SLC44A1: variants seen among roughly 807,000 people sequenced by gnomAD.
SLC44A1 encodes choline transporter-like protein 1.
SLC44A1 carries 26 observed loss-of-function variants against 79.3 expected under a neutral mutation model. That is an observed-to-expected ratio of 0.33 (90% CI 0.24 to 0.46). The LOEUF is 0.46. Ranked by LOEUF, SLC44A1 falls within the 20% of genes least tolerant of loss-of-function variation. The pLI, the probability that SLC44A1 is intolerant of heterozygous loss-of-function variation, is 1.00. For synonymous variants in SLC44A1, 263 were observed against 286.2 expected (o/e 0.92, Z 0.82); for missense variants, 688 against 798.1 (o/e 0.86, Z 1.66).
In SLC44A1 at chr9:105,362,744, A is replaced by G. The variant is rs906751974; in HGVS notation, c.901-77A>G. 1.0e-5 allele frequency: 11 copies of G among 1,090,052 alleles called. No individual in the cohort carries two copies. In the Admixed American group the frequency reaches 2.5e-4, roughly 24 times the overall value. 67.5% of individuals were successfully genotyped at this position (1,090,052 alleles called of 1,614,324 possible). A position where few individuals can be genotyped will look rare whatever the true frequency, so the allele number is the denominator to read the frequency against. Reference sequence around the variant, plus strand: ...CCTCCAGGTTTGGGGCTGAAGGGTTATGTTAAAAATTTCTACTATTTTCGG... The same window carrying G: ...CCTCCAGGTTTGGGGCTGAAGGGTTGTGTTAAAAATTTCTACTATTTTCGG... On this transcript the variant is annotated intron_variant, in intron 8 of 15. Coordinates refer to ENST00000374720, the MANE Select transcript of SLC44A1 (RefSeq NM_080546.5).
Position 105,390,080 on chromosome 9 carries a change from T to G in SLC44A1, c.*1024T>G. ...ACACACTGGCAGGTGCTCCTCTCCT[T>G]GGCAATTCATTGAGTATCCAGAGTT... On this transcript the variant is annotated 3_prime_UTR_variant, in exon 16 of 16. Coordinates refer to ENST00000374720, the MANE Select transcript of SLC44A1 (RefSeq NM_080546.5). The G allele has an allele frequency of 7.9e-7, 1 of 1,271,514 alleles. No individual in the cohort carries two copies. The highest frequency in any genetic ancestry group is 4.0e-5 in the Admixed American group (1 of 24,778). 78.8% of individuals were successfully genotyped at this position (1,271,514 alleles called of 1,614,324 possible).
intron 2 of SLC44A1, among the ~76,000 whole-genome samples, chr9:105,308,427 C>G (rs1831088626): frequency 6.6e-6 from 1 of 152,144 alleles, no homozygotes; most frequent in South Asian, 2.1e-4. Flanking sequence ...TAGTGAGTAG[C>G]AAATCAGGGC....
intron 15 of SLC44A1, among the ~76,000 whole-genome samples, chr9:105,407,401 CAT>C (rs1829042280): frequency 6.6e-6 from 1 of 152,110 alleles, no homozygotes; most frequent in South Asian, 2.1e-4. Flanking sequence ...GACAAAGAAA[CAT>C]AGAAAATATT....
chr9:105,276,499 C>A (rs1441159645), intron 1 of SLC44A1, among the ~76,000 whole-genome samples: 2 of 150,348 alleles, frequency 1.3e-5, no homozygotes, highest in African/African-American at 4.9e-5. Flanking sequence ...GTAAAATATA[C>A]AGTATAGCAG....
At chr9:105,388,053 G>A (rs1342725699) in intron 15 of SLC44A1, among the ~76,000 whole-genome samples, 1 of 152,156 alleles carries the variant, frequency 6.6e-6, no homozygotes, top group African/African-American at 2.4e-5. Context: ...ACCCTCTGCT[G>A]CATCCCAAAA....
intron 14 of SLC44A1, 91 bp downstream of exon 14, chr9:105,383,450 T>C: frequency 1.3e-6 from 1 of 747,640 alleles, no homozygotes; most frequent in Non-Finnish European, 2.3e-6. Flanking sequence ...ATTCACACTA[T>C]ATGCAACTGA....
intron 3 of SLC44A1, among the ~76,000 whole-genome samples, chr9:105,317,979 C>T (rs962173728): frequency 6.6e-6 from 1 of 152,122 alleles, no homozygotes; most frequent in African/African-American, 2.4e-5. Context: ...CTCTCTCTGT[C>T]TCCTGTCAGT....
intron 13 of SLC44A1, among the ~76,000 whole-genome samples, chr9:105,382,226 G>C (rs1828489009): frequency 1.3e-5 from 2 of 151,956 alleles, no homozygotes; most frequent in Admixed American, 6.6e-5. Context: ...TGTTTCCAAG[G>C]CTATAAAATG....
intron 5 of SLC44A1, among the ~76,000 whole-genome samples, chr9:105,353,688 A>G (rs992069476): frequency 7.9e-5 from 12 of 152,132 alleles, no homozygotes; most frequent in African/African-American, 2.4e-4. Flanking sequence ...CGAGAAAAAT[A>G]GTGGGTACTG....
At chr9:105,408,132 C>T (rs540099449) in intron 15 of SLC44A1, among the ~76,000 whole-genome samples, 5 of 152,098 alleles carry the variant, frequency 3.3e-5, no homozygotes, top group African/African-American at 9.6e-5. Flanking sequence ...CCAGCCTGGG[C>T]GACAGACTGA....
chr9:105,386,451 T>C (rs1828627515), intron 15 of SLC44A1: 2 of 983,126 alleles, frequency 2.0e-6, no homozygotes, highest in African/African-American at 3.5e-5. Context: ...CCTTTCTGTC[T>C]TCTTTACACT....
intron 15 of SLC44A1, among the ~76,000 whole-genome samples, chr9:105,415,669 T>C (rs1829160337): frequency 6.6e-6 from 1 of 152,162 alleles, no homozygotes; most frequent in Non-Finnish European, 1.5e-5. Context: ...TAAAGGCATT[T>C]AGTGTTTGCA....
Position 105,413,485 on chromosome 9 carries a change from C to G in SLC44A1, c.1951-24796C>G, listed in dbSNP as rs571521844. Among the ~76,000 whole-genome samples, 12 of 152,320 alleles carry G rather than the reference C, an allele frequency of 7.9e-5. No individual in the cohort carries two copies. In the East Asian group the frequency reaches 2.3e-3, roughly 29 times the overall value. Reference sequence around the variant, plus strand: ...TGATCCTACTTGAAAGAACAAAAGACATATTACAAACACCAACAGAACCAC... The same window carrying G: ...TGATCCTACTTGAAAGAACAAAAGAGATATTACAAACACCAACAGAACCAC... On this transcript the variant is annotated intron_variant, in intron 15 of 15. Transcript: ENST00000374724.
At position 105,323,847 on chromosome 9, in the gene SLC44A1, A is replaced by G. The variant is rs907244845; in HGVS notation, c.270-11716A>G. 2.0e-5 allele frequency among the ~76,000 whole-genome samples: 3 copies of G among 152,178 alleles called. No homozygotes were observed. The South Asian group carries it at 6.2e-4, about 32-fold the overall frequency. ...GTCATCACCCTTAATTGTTCTACCT[A>G]TAAAATCAATTCAGAGTAATTCTAA... On this transcript the variant is annotated intron_variant, in intron 3 of 15. Coordinates refer to ENST00000374720, the MANE Select transcript of SLC44A1 (RefSeq NM_080546.5).
At chr9:105,427,304 TATA>T (rs1829336017) in intron 15 of SLC44A1, among the ~76,000 whole-genome samples, 1 of 152,204 alleles carries the variant, frequency 6.6e-6, no homozygotes, top group African/African-American at 2.4e-5. Context: ...AGGACCAAGT[TATA>T]ATATTCTTTC....
chr9:105,295,313 C>A (rs1289393910), intron 1 of SLC44A1, among the ~76,000 whole-genome samples: 1 of 152,150 alleles, frequency 6.6e-6, no homozygotes, highest in African/African-American at 2.4e-5. Context: ...TATTTTGGTA[C>A]TATTCAGTTC....
At chr9:105,265,642 G>T (rs1829944987) in intron 1 of SLC44A1, among the ~76,000 whole-genome samples, 1 of 152,170 alleles carries the variant, frequency 6.6e-6, no homozygotes, top group Non-Finnish European at 1.5e-5. Context: ...TCTGGGAGTG[G>T]AATTGCTGGG....
intron 8 of SLC44A1, 123 bp downstream of exon 8, chr9:105,361,453 C>G (rs954052079): frequency 1.1e-6 from 1 of 934,490 alleles, no homozygotes; most frequent in Non-Finnish European, 1.6e-6. Context: ...GATAATATCT[C>G]TGTGCCATAG....
intron 1 of SLC44A1, among the ~76,000 whole-genome samples, chr9:105,250,247 A>G (rs1829549661): frequency 6.6e-6 from 1 of 152,064 alleles, no homozygotes. Context: ...TCCAAGTTAA[A>G]TTTCACACCA....
Sources: allele counts gnomAD v4.1 joint callset (sites outside exome capture counted in the v4.1 genomes callset), GRCh38; gene constraint gnomAD v4.1.1; transcripts MANE v1.5; gene names NCBI Gene and HGNC (gene_info 2026-07-23, HGNC 2026-07-21).